The following SH3RF3 variants were observed in gnomAD, a reference collection of about 807,000 sequenced individuals.
SH3RF3 encodes the protein SH3 domain containing ring finger 3.
SH3RF3 carries 29 observed loss-of-function variants against 66.3 expected under a neutral mutation model. The observed-to-expected ratio is 0.44, with a 90% CI of 0.33 to 0.60. SH3RF3 has a LOEUF of 0.60. Ranked by LOEUF, SH3RF3 falls within the 20% of genes least tolerant of loss-of-function variation. The pLI, the probability that SH3RF3 is intolerant of heterozygous loss-of-function variation, is 0.04. For synonymous variants in SH3RF3, 583 were observed against 532.0 expected, an observed-to-expected ratio of 1.10 and a Z score of -1.32; for missense variants, 1,194 against 1,190.9, an observed-to-expected ratio of 1.00 and a Z score of -0.04.
intron 8 of SH3RF3, among the ~76,000 whole-genome samples, chr2:109,449,831 C>A (rs1645095684): frequency 6.6e-6 from 1 of 152,186 alleles, no homozygotes; most frequent in African/African-American, 2.4e-5. Context: ...TATTTATTGC[C>A]ATGTGCTGGG....
At chr2:109,412,390 T>G (rs1676615547) in intron 4 of SH3RF3, among the ~76,000 whole-genome samples, 1 of 152,260 alleles carries the variant, frequency 6.6e-6, no homozygotes, top group Non-Finnish European at 1.5e-5. Context: ...CTGGCTGTGC[T>G]TTGCTTGTGC....
chr2:109,238,583 A>T (rs1574521730), intron 1 of SH3RF3, among the ~76,000 whole-genome samples: 1 of 151,674 alleles, frequency 6.6e-6, no homozygotes, highest in South Asian at 2.1e-4. Flanking sequence ...TTTGGAGGGG[A>T]CATTTTTTCA....
At chr2:109,273,292 C>CA (rs1680670626) in intron 1 of SH3RF3, among the ~76,000 whole-genome samples, 1 of 152,222 alleles carries the variant, frequency 6.6e-6, no homozygotes, top group Non-Finnish European at 1.5e-5. Context: ...GTGGGGCACT[C>CA]AGGGCCCTGG....
intron 1 of SH3RF3, among the ~76,000 whole-genome samples, chr2:109,149,772 G>A (rs1677189474): frequency 6.6e-6 from 1 of 152,210 alleles, no homozygotes; most frequent in South Asian, 2.1e-4. Flanking sequence ...GTGACAATTG[G>A]AAAACCTTAG....
chr2:109,156,294 A>G (rs568225784), intron 1 of SH3RF3, among the ~76,000 whole-genome samples: 1 of 152,268 alleles, frequency 6.6e-6, no homozygotes, highest in Non-Finnish European at 1.5e-5. Flanking sequence ...TCTCATCTTC[A>G]GTGTTTTCTC....
At position 109,187,716 on chromosome 2, in the gene SH3RF3, T is replaced by A. The variant is rs74907075; in HGVS notation, c.573+57603T>A. The stretch of plus-strand genomic sequence containing the variant: ...CAAGGACTCATTTTTCAGAATATAT[T>A]CTCCTTGTTAAGTGGTGCATGACTG... On this transcript the variant is annotated intron_variant, in intron 1 of 9. Transcript: ENST00000309415. 8.0e-3 allele frequency among the ~76,000 whole-genome samples: 1,224 copies of A among 152,294 alleles called. 12 individuals are homozygous for A. The highest frequency in any genetic ancestry group is 0.04 in the East Asian group (208 of 5,186).
At chr2:109,472,976 A>G (rs966817039) in intron 8 of SH3RF3, among the ~76,000 whole-genome samples, 2 of 152,160 alleles carry the variant, frequency 1.3e-5, no homozygotes, top group African/African-American at 2.4e-5. Flanking sequence ...TATAAATTCT[A>G]CCCGACTCGT....
At chr2:109,378,563 GT>G (rs1351599942) in intron 3 of SH3RF3, among the ~76,000 whole-genome samples, 1 of 152,190 alleles carries the variant, frequency 6.6e-6, no homozygotes, top group African/African-American at 2.4e-5. Context: ...GAATTTTACT[GT>G]TTGAGGTATT....
intron 1 of SH3RF3, among the ~76,000 whole-genome samples, chr2:109,301,592 G>A (rs952589106): frequency 8.5e-5 from 13 of 152,106 alleles, no homozygotes; most frequent in East Asian, 1.9e-4. Context: ...CGCTACCACC[G>A]TCCCCAGGGC....
At chr2:109,405,931 T>C (rs1676441643) in intron 4 of SH3RF3, among the ~76,000 whole-genome samples, 4 of 152,214 alleles carry the variant, frequency 2.6e-5, no homozygotes. Context: ...CATTCCTCAC[T>C]GGATGGTCTT....
intron 4 of SH3RF3, among the ~76,000 whole-genome samples, chr2:109,404,439 G>T (rs1676394708): frequency 6.6e-6 from 1 of 152,212 alleles, no homozygotes; most frequent in Non-Finnish European, 1.5e-5. Flanking sequence ...TCGAGACTGG[G>T]AGTCTCAGCA....
intron 8 of SH3RF3, among the ~76,000 whole-genome samples, chr2:109,467,767 T>G (rs1403447413): frequency 6.6e-6 from 1 of 152,220 alleles, no homozygotes; most frequent in African/African-American, 2.4e-5. Flanking sequence ...ACTGGGCACC[T>G]TTTGCCTGAT....
chr2:109,477,719 A>T (rs889303822), intron 8 of SH3RF3, among the ~76,000 whole-genome samples: 5 of 152,010 alleles, frequency 3.3e-5, no homozygotes, highest in African/African-American at 1.2e-4. Flanking sequence ...GACACCACAG[A>T]TTCGGTGTCT....
intron 1 of SH3RF3, among the ~76,000 whole-genome samples, chr2:109,166,940 C>A (rs772875416): frequency 6.6e-6 from 1 of 152,198 alleles, no homozygotes; most frequent in Non-Finnish European, 1.5e-5. Context: ...CATGATGCAT[C>A]CATAAATCTA....
chr2:109,417,778 C>T (rs902317868), intron 4 of SH3RF3, among the ~76,000 whole-genome samples: 4 of 152,160 alleles, frequency 2.6e-5, no homozygotes, highest in African/African-American at 7.2e-5. Context: ...GCCCATGTAG[C>T]ATGGTTTCAG....
chr2:109,386,416 TAAAA>T (rs970134624), intron 3 of SH3RF3, among the ~76,000 whole-genome samples: 1 of 147,226 alleles, frequency 6.8e-6, no homozygotes, highest in Non-Finnish European at 1.5e-5. Flanking sequence ...ACAAGAAGTT[TAAAA>T]AAAAAAAAAA....
At chr2:109,265,897 G>A (rs1381360889) in intron 1 of SH3RF3, among the ~76,000 whole-genome samples, 1 of 152,218 alleles carries the variant, frequency 6.6e-6, no homozygotes, top group Non-Finnish European at 1.5e-5. Flanking sequence ...CACCAGCTGT[G>A]CCCAGTCTGA....
chr2:109,131,199 T>A (rs1676684917), intron 1 of SH3RF3, among the ~76,000 whole-genome samples: 1 of 152,156 alleles, frequency 6.6e-6, no homozygotes, highest in Admixed American at 6.5e-5. Context: ...GTTAGGAACT[T>A]AAACCCTTGG....
intron 8 of SH3RF3, among the ~76,000 whole-genome samples, chr2:109,468,870 A>G (rs999729820): frequency 2.0e-5 from 3 of 151,082 alleles, no homozygotes; most frequent in Non-Finnish European, 2.9e-5. Flanking sequence ...AAAAAAAAAA[A>G]AAAAAAGTTA....
Sources: gnomAD v4.1 joint callset for allele counts (sites outside exome capture counted in the v4.1 genomes callset) on GRCh38, gnomAD v4.1.1 for gene constraint, MANE v1.5 for transcripts, NCBI Gene and HGNC (gene_info 2026-07-23, HGNC 2026-07-21) for gene names.